Variants in TMEM63C observed in about 807,000 individuals in gnomAD.
TMEM63C encodes the protein osmosensitive cation channel TMEM63C.
Under a neutral mutation model 99.2 loss-of-function variants are expected in TMEM63C, and 32 were observed. The observed-to-expected ratio is 0.32, with a 90% CI of 0.24 to 0.43. The LOEUF (loss-of-function observed/expected upper bound fraction) is 0.43, where lower values mean the gene tolerates loss of function less well. Ranked by LOEUF, TMEM63C falls within the 20% of genes least tolerant of loss-of-function variation. TMEM63C has a pLI of 1.00. For missense variants in TMEM63C, 826 were observed against 1,053.0 expected (o/e 0.78, Z 2.98); for synonymous variants, 376 against 397.9 (o/e 0.94, Z 0.66).
rs1264082325 is a variant in TMEM63C, at chr14:77,220,903, C to T, written c.312+816C>T. On this transcript the variant is annotated intron_variant, in intron 5 of 23. Coordinates refer to ENST00000298351, the MANE Select transcript of TMEM63C (RefSeq NM_020431.4). Reference sequence around the variant, plus strand: ...TCACGCCCCGCCTCCCACTCACGCCCCGCCTCCCACTCACGCCTCCTCTCC... The same window carrying T: ...TCACGCCCCGCCTCCCACTCACGCCTCGCCTCCCACTCACGCCTCCTCTCC... 2.1e-4 allele frequency among the ~76,000 whole-genome samples: 19 copies of T among 92,200 alleles called. 1 individual carries two copies. Among genetic ancestry groups the T allele is most frequent in the East Asian group, 5.8e-4 (2 of 3,446 alleles). 60.5% of individuals were successfully genotyped at this position (92,200 alleles called of 152,430 possible).
At chr14:77,229,016 C>G (rs1471052962) in intron 6 of TMEM63C, among the ~76,000 whole-genome samples, 6 of 152,110 alleles carry the variant, frequency 3.9e-5, no homozygotes, top group Non-Finnish European at 7.3e-5. Context: ...TACGTAAAAC[C>G]ATCGGAAAAT....
chr14:77,205,464 A>G (rs1322096255), intron 1 of TMEM63C, among the ~76,000 whole-genome samples: 1 of 152,208 alleles, frequency 6.6e-6, no homozygotes, highest in East Asian at 1.9e-4. Context: ...ACCCCTATCC[A>G]GTAGAGAACT....
intron 1 of TMEM63C, among the ~76,000 whole-genome samples, chr14:77,194,232 A>G (rs1393250642): frequency 1.3e-5 from 2 of 152,188 alleles, no homozygotes; most frequent in African/African-American, 4.8e-5. Flanking sequence ...CTGTGCTGGT[A>G]TGCAGAGATG....
intron 1 of TMEM63C, among the ~76,000 whole-genome samples, chr14:77,207,816 C>T (rs1340787646): frequency 1.3e-5 from 2 of 152,276 alleles, no homozygotes; most frequent in Admixed American, 6.5e-5. Context: ...TCAGGGGCTA[C>T]ACCCATAGGA....
intron 4 of TMEM63C, 36 bp downstream of exon 4, chr14:77,219,613 C>T (rs1888653535): frequency 1.2e-6 from 2 of 1,608,760 alleles, no homozygotes; most frequent in South Asian, 2.2e-5. Flanking sequence ...CCGTTGCCCC[C>T]TTGGGGAAAA....
chr14:77,247,463 A>C (rs1032543038), intron 18 of TMEM63C, among the ~76,000 whole-genome samples: 3 of 151,984 alleles, frequency 2.0e-5, no homozygotes, highest in African/African-American at 7.2e-5. Context: ...AGCCTCCTAA[A>C]ATGCTGGGAT....
chr14:77,242,959 C>A lies in TMEM63C; in HGVS notation c.1244C>A (p.Thr415Asn), dbSNP rs771994284. ...FWWARFIAINTFLFFLFFFLT... is the reference protein window; with the variant it reads ...FWWARFIAINNFLFFLFFFLT... ...TGGGCCCGCTTTATCGCAATCAACA[C>A]CTTCCTCTTCTTCCTCTTCTTCTTT... Residue 415 changes from threonine to asparagine, a missense_variant, in exon 15 of 24, where the codon ACC becomes AAC. Physicochemically the swap from Thr to Asn is moderately conservative, Grantham distance 65. Transcript: ENST00000298351. 6.2e-7 allele frequency: 1 copy of A among 1,614,042 alleles called. No homozygotes were observed. The highest frequency in any genetic ancestry group is 8.5e-7 in the Non-Finnish European group (1 of 1,179,898).
chr14:77,218,044 A>G (rs1184365054), intron 2 of TMEM63C, among the ~76,000 whole-genome samples: 1 of 152,186 alleles, frequency 6.6e-6, no homozygotes, highest in Non-Finnish European at 1.5e-5. Flanking sequence ...ATAGTCAAAA[A>G]TAATTTAATT....
At chr14:77,218,456 T>G (rs933701782) in intron 2 of TMEM63C, among the ~76,000 whole-genome samples, 2 of 152,232 alleles carry the variant, frequency 1.3e-5, no homozygotes, top group African/African-American at 2.4e-5. Context: ...TTTGTGAAAT[T>G]TGTTCATTTA....
rs1889273568 is a variant in TMEM63C, at chr14:77,246,650, T to C, written c.1577T>C (p.Leu526Pro). The change falls in exon 18 of 24, where the codon CTA (leucine) becomes CCA (proline). Residue 526 changes from leucine to proline, a missense_variant. By Grantham distance (98) the Leu-to-Pro change is moderately conservative. Transcript: ENST00000298351. ...FLRWLFDIYYLEQASIRFQCV... is the reference protein window; with the variant it reads ...FLRWLFDIYYPEQASIRFQCV... ...CGCTGGCTCTTTGACATCTACTATC[T>C]AGAGCAAGCATCCATCAGGTTCCAG... 6.2e-7 allele frequency: 1 copy of C among 1,613,448 alleles called. No homozygotes were observed. The highest frequency in any genetic ancestry group is 1.1e-5 in the South Asian group (1 of 90,836).
chr14:77,223,611 G>A (rs1377187357), intron 5 of TMEM63C, among the ~76,000 whole-genome samples: 4 of 152,292 alleles, frequency 2.6e-5, no homozygotes, highest in South Asian at 2.1e-4. Context: ...CCTTCAGAGC[G>A]ATAATGTGTA....
At chr14:77,214,946 T>C (rs1278459120) in intron 2 of TMEM63C, among the ~76,000 whole-genome samples, 2 of 152,148 alleles carry the variant, frequency 1.3e-5, no homozygotes, top group Non-Finnish European at 2.9e-5. Context: ...TGCATCTTAT[T>C]TCTCTCCTGG....
At chr14:77,187,671 G>A (rs1888026238) in intron 1 of TMEM63C, among the ~76,000 whole-genome samples, 2 of 152,238 alleles carry the variant, frequency 1.3e-5, no homozygotes, top group Admixed American at 1.3e-4. Flanking sequence ...CTCCTGTGTG[G>A]CTGGGGAGAG....
intron 10 of TMEM63C, 78 bp from the exon 11 acceptor site, chr14:77,239,334 C>T (rs1003844781): frequency 3.4e-5 from 51 of 1,480,454 alleles, no homozygotes; most frequent in Middle Eastern, 3.5e-4. Flanking sequence ...CCCTCAGGGC[C>T]GACATGCTGG....
At chr14:77,256,353 A>G (rs1240493517) in intron 23 of TMEM63C, among the ~76,000 whole-genome samples, 173 bp from the exon 24 acceptor site, 1 of 152,208 alleles carries the variant, frequency 6.6e-6, no homozygotes, top group Admixed American at 6.5e-5. Context: ...TCAAATGATC[A>G]AGAACAATTA....
At position 77,238,719 on chromosome 14, in the gene TMEM63C, A is replaced by G; in HGVS notation, c.677A>G (p.Tyr226Cys). The stretch of plus-strand genomic sequence containing the variant: ...GTCACAAGGACACTAATGATCACCT[A>G]TGTGCCCAAGGACATTGAAGACCCA... ...QKVTRTLMIT[Y>C]VPKDIEDPEL... The change falls in exon 10 of 24, where the codon TAT becomes TGT. Residue 226 changes from tyrosine to cysteine, a missense_variant. Transcript: ENST00000298351. The G allele has an allele frequency of 6.2e-7, 1 of 1,613,928 alleles. No individual in the cohort carries two copies. The highest frequency in any genetic ancestry group is 1.3e-5 in the African/African-American group (1 of 75,054).
intron 1 of TMEM63C, among the ~76,000 whole-genome samples, chr14:77,203,306 C>G (rs1365153942): frequency 6.8e-6 from 1 of 148,088 alleles, no homozygotes; most frequent in Admixed American, 6.8e-5. Context: ...CACTTGAACC[C>G]GGGGGGTGGA....
chr14:77,201,099 C>G (rs1888293791), intron 1 of TMEM63C: 2 of 151,794 alleles, frequency 1.3e-5, no homozygotes, highest in Non-Finnish European at 2.9e-5. Context: ...TGTGGCCACA[C>G]CCACAGCAAA....
intron 1 of TMEM63C, among the ~76,000 whole-genome samples, chr14:77,205,226 G>A (rs1404618250): frequency 2.0e-5 from 3 of 152,204 alleles, no homozygotes; most frequent in Admixed American, 1.3e-4. Context: ...CACTAGGCAG[G>A]GCCCCACACC....
Sources: gnomAD v4.1 joint callset for allele counts (sites outside exome capture counted in the v4.1 genomes callset) on GRCh38, gnomAD v4.1.1 for gene constraint, MANE v1.5 for transcripts, NCBI Gene and HGNC (gene_info 2026-07-23, HGNC 2026-07-21) for gene names.